The following ADGRB1 variants were observed in gnomAD, a reference collection of about 807,000 sequenced individuals.
ADGRB1 encodes brain-specific angiogenesis inhibitor 1.
Under a neutral mutation model 175.7 loss-of-function variants are expected in ADGRB1, and 36 were observed. The observed-to-expected ratio is 0.20, with a 90% CI of 0.16 to 0.27. The LOEUF is 0.27. ADGRB1 is among the 10% of genes least tolerant of loss of function. ADGRB1 has a pLI of 1.00. For synonymous variants in ADGRB1, 1,054 were observed against 979.4 expected (o/e 1.08, Z -1.42); for missense variants, 1,731 against 2,255.3 (o/e 0.77, Z 4.71).
intron 19 of ADGRB1, 98 bp from the exon 20 acceptor site, chr8:142,520,725 A>T: frequency 1.0e-6 from 1 of 960,610 alleles, no homozygotes; most frequent in Non-Finnish European, 1.6e-6. Flanking sequence ...GCCTGCAGGA[A>T]GTGGGGTGGG....
intron 24 of ADGRB1, among the ~76,000 whole-genome samples, chr8:142,530,293 G>A (rs1844547991): frequency 6.6e-6 from 1 of 152,126 alleles, no homozygotes; most frequent in South Asian, 2.1e-4. Flanking sequence ...AAGGGAACAG[G>A]GAAGGAAGGG....
intron 27 of ADGRB1, among the ~76,000 whole-genome samples, chr8:142,541,491 G>C (rs2132283110): frequency 6.6e-6 from 1 of 152,298 alleles, no homozygotes; most frequent in South Asian, 2.1e-4. Context: ...GCACCACTGG[G>C]CTCCCGCACA....
Position 142,543,111 on chromosome 8 carries a change from T to A in ADGRB1, c.4414-292T>A, listed in dbSNP as rs1048572919. ...CTGCCCTGTGTCCCTGAGTTCTCTG[T>A]CGGGGGACCCAGCCATGTGGCCCCA... On this transcript the variant is annotated intron_variant, in intron 28 of 30. Transcript: ENST00000517894. This position sits in a 1 kb window ranked among gnomAD's most constrained non-coding sequence, Gnocchi z 4.4. 6.6e-6 allele frequency among the ~76,000 whole-genome samples: 1 copy of A among 152,126 alleles called. No individual in the cohort carries two copies. The highest frequency in any genetic ancestry group is 2.4e-5 in the African/African-American group (1 of 41,446).
At chr8:142,540,612 G>A (rs973745718) in intron 27 of ADGRB1, among the ~76,000 whole-genome samples, 9 of 152,332 alleles carry the variant, frequency 5.9e-5, no homozygotes, top group Non-Finnish European at 1.3e-4. Context: ...GGGTACATGC[G>A]AGGGAGGCAC....
intron 18 of ADGRB1, among the ~76,000 whole-genome samples, 178 bp from the exon 19 acceptor site, chr8:142,517,960 C>G (rs1843541213): frequency 6.7e-6 from 1 of 148,408 alleles, no homozygotes; most frequent in South Asian, 2.3e-4. Context: ...TCTGGAGGGC[C>G]TGGGCTGGTA....
At chr8:142,470,927 G>A (rs1220947594) in intron 2 of ADGRB1, among the ~76,000 whole-genome samples, 2 of 152,162 alleles carry the variant, frequency 1.3e-5, no homozygotes, top group Admixed American at 1.3e-4. Context: ...CCTGGGAAGA[G>A]GCATCTGGAG....
chr8:142,477,461 G>A lies in ADGRB1; in HGVS notation c.1299G>A (p.Thr433=), dbSNP rs752254011. 3.8e-5 allele frequency: 62 copies of A among 1,612,678 alleles called. No individual in the cohort carries two copies. In the Admixed American group the frequency reaches 4.8e-4, roughly 13 times the overall value. Residue 433 remains threonine, a synonymous_variant, in exon 6 of 31, where the codon ACG becomes ACA. Transcript: ENST00000517894. ...GTGGCCGTGGCTTTCGGGATCGCACGCGCACCTGCAGGCCCCCCCAGTTTG... is the reference window on the plus strand; with the variant it reads ...GTGGCCGTGGCTTTCGGGATCGCACACGCACCTGCAGGCCCCCCCAGTTTG... The part of the protein sequence containing the change: ...STCGRGFRDR[T]RTCRPPQFGG...
chr8:142,516,523 T>A (rs111163027), intron 18 of ADGRB1, among the ~76,000 whole-genome samples: 4 of 105,006 alleles, frequency 3.8e-5, no homozygotes, highest in Admixed American at 2.1e-4. Flanking sequence ...CGTGTGCGGG[T>A]CCCAGGTGCG....
rs1048540328 is a variant in ADGRB1, at chr8:142,542,857, G to A, written c.4413+210G>A. Among the ~76,000 whole-genome samples the A allele has an allele frequency of 1.3e-4, 20 of 152,170 alleles. No homozygotes were observed. The highest frequency in any genetic ancestry group is 2.4e-4 in the African/African-American group (10 of 41,454). On this transcript the variant is annotated intron_variant, in intron 28 of 30. Coordinates refer to ENST00000517894, the MANE Select transcript of ADGRB1 (RefSeq NM_001702.3). The surrounding 1 kb of genome is among the most constrained non-coding windows in gnomAD (Gnocchi z 6.3). ...AGGCTTGGCAGGGTGGTCTCACCCCGTTTCAAAGGGGCTCAGGGACCCACA... is the reference window on the plus strand; with the variant it reads ...AGGCTTGGCAGGGTGGTCTCACCCCATTTCAAAGGGGCTCAGGGACCCACA...
At position 142,529,552 on chromosome 8, in the gene ADGRB1, CTA is replaced by C. The variant is rs750545488; in HGVS notation, c.3398+2927_3398+2928del. On this transcript the variant is annotated intron_variant, in intron 24 of 30. Transcript: ENST00000517894. ...TGCCTTGATGTGTGCAAGCATGCATCTATGTGTGTGAGTGCAACCCACTGTGC... is the reference window on the plus strand; with the variant it reads ...TGCCTTGATGTGTGCAAGCATGCATCTGTGTGTGAGTGCAACCCACTGTGC... Among the ~76,000 whole-genome samples, 22 of 151,888 alleles carry C rather than the reference CTA, an allele frequency of 1.4e-4. 1 individual carries two copies. Among genetic ancestry groups the C allele is most frequent in the Middle Eastern group, 3.4e-3 (1 of 294 alleles).
chr8:142,506,241 G>T (rs1474059309), intron 17 of ADGRB1, among the ~76,000 whole-genome samples: 1 of 152,216 alleles, frequency 6.6e-6, no homozygotes, highest in Non-Finnish European at 1.5e-5. Context: ...TCTGCAGAGG[G>T]GTGGGCAGTG....
At chr8:142,477,087 C>A (rs1290505135) in intron 4 of ADGRB1, 27 bp from the exon 5 acceptor site, 3 of 1,518,816 alleles carry the variant, frequency 2.0e-6, no homozygotes, top group Non-Finnish European at 2.6e-6. Context: ...GGGCGGCAGG[C>A]CTGTGACGCT....
At chr8:142,482,175 C>T (rs34794913) in intron 11 of ADGRB1, among the ~76,000 whole-genome samples, 75,188 of 143,594 alleles carry the variant, frequency 0.52, 19,986 homozygotes, top group Middle Eastern at 0.62. Context: ...GAGCCCTGAC[C>T]CTGGTCACAC....
chr8:142,484,019 C>T lies in ADGRB1; in HGVS notation c.2173C>T (p.Arg725Trp), dbSNP rs755928381. Reference protein sequence around the residue: ...ILSNLLAEENRDKWEEAQLAG... With the variant: ...ILSNLLAEENWDKWEEAQLAG... ...TAGCAACCTGTTGGCAGAGGAGAATCGGGACAAGTGGGAGGAGGCCCAGCT... is the reference window on the plus strand; with the variant it reads ...TAGCAACCTGTTGGCAGAGGAGAATTGGGACAAGTGGGAGGAGGCCCAGCT... The change falls in exon 12 of 31, where the codon CGG becomes TGG. Residue 725 changes from arginine to tryptophan, a missense_variant. By Grantham distance (101) the Arg-to-Trp change is moderately radical. Coordinates refer to ENST00000517894, the MANE Select transcript of ADGRB1 (RefSeq NM_001702.3). The T allele has an allele frequency of 4.3e-6, 7 of 1,613,006 alleles. No individual in the cohort carries two copies. The highest frequency in any genetic ancestry group is 3.3e-5 in the South Asian group (3 of 90,876).
chr8:142,534,492 G>A (rs765983235), intron 25 of ADGRB1, among the ~76,000 whole-genome samples: 5 of 152,198 alleles, frequency 3.3e-5, no homozygotes, highest in Non-Finnish European at 5.9e-5. Flanking sequence ...ACGTGTCAGC[G>A]CAGGCCTCCC....
At chr8:142,524,354 A>C (rs1587410620) in intron 23 of ADGRB1, 50 bp downstream of exon 23, 1 of 1,526,644 alleles carries the variant, frequency 6.6e-7, no homozygotes, top group Non-Finnish European at 8.8e-7. Context: ...TGGGCCCCCC[A>C]CCTGCCTCCT....
chr8:142,490,947 C>T, intron 17 of ADGRB1, 132 bp downstream of exon 17: 1 of 1,199,264 alleles, frequency 8.3e-7, no homozygotes, highest in South Asian at 1.4e-5. Flanking sequence ...CCGCATGGGC[C>T]TCCGTGTCAC....
In ADGRB1 at chr8:142,543,786, C is replaced by T. The variant is rs1845428212; in HGVS notation, c.4557+78C>T. ...GTCTCCCTTCTTCCCTGGATTTGTG[C>T]ACTTCATCCATCCATCCATCCATCC... On this transcript the variant is annotated intron_variant, in intron 30 of 30. Coordinates refer to ENST00000517894, the MANE Select transcript of ADGRB1 (RefSeq NM_001702.3). This position sits in a 1 kb window ranked among gnomAD's most constrained non-coding sequence, Gnocchi z 4.4. 2.3e-6 allele frequency: 3 copies of T among 1,297,850 alleles called. No homozygotes were observed. The highest frequency in any genetic ancestry group is 1.3e-5 in the South Asian group (1 of 78,700). The allele number at this position is 1,297,850 out of a possible 1,614,324, so 80.4% of individuals were successfully genotyped here. A position where few individuals can be genotyped will look rare whatever the true frequency, so the allele number is the denominator to read the frequency against.
chr8:142,533,103 C>T (rs999692651), intron 24 of ADGRB1, among the ~76,000 whole-genome samples, 192 bp from the exon 25 acceptor site: 48 of 152,144 alleles, frequency 3.2e-4, no homozygotes, highest in African/African-American at 1.2e-3. Context: ...AGGGTGCAGA[C>T]GCAGCCTGGG....
Sources: gnomAD v4.1 joint callset for allele counts (sites outside exome capture counted in the v4.1 genomes callset) on GRCh38, gnomAD v4.1.1 for gene constraint, Gnocchi (gnomAD v3.1) non-coding constraint, MANE v1.5 for transcripts, NCBI Gene and HGNC (gene_info 2026-07-23, HGNC 2026-07-21) for gene names.